The following PTP4A1 variants were observed in gnomAD, a reference collection of about 807,000 sequenced individuals.
PTP4A1 encodes the protein protein tyrosine phosphatase type IVA 1.
In PTP4A1, 9 loss-of-function variants were observed where a neutral mutation model predicts 20.5. The ratio of observed to expected loss-of-function variants is 0.44; its 90% CI spans 0.26 to 0.77. PTP4A1 has a LOEUF of 0.77. PTP4A1 is among the 30% of genes least tolerant of loss of function. The pLI, the probability that PTP4A1 is intolerant of heterozygous loss-of-function variation, is 0.19. For missense variants in PTP4A1, 137 were observed against 218.8 expected, an observed-to-expected ratio of 0.63 and a Z score of 2.36; for synonymous variants, 78 against 67.4, an observed-to-expected ratio of 1.16 and a Z score of -0.77.
intron 1 of PTP4A1, among the ~76,000 whole-genome samples, chr6:63,576,144 AAT>A (rs1207998872): frequency 6.6e-6 from 1 of 150,496 alleles, no homozygotes; most frequent in East Asian, 1.9e-4. Flanking sequence ...AATATATATG[AAT>A]ATATATATGA....
At chr6:63,526,371 A>G (rs890507825) in intron 1 of PTP4A1, among the ~76,000 whole-genome samples, 2 of 152,080 alleles carry the variant, frequency 1.3e-5, no homozygotes, top group East Asian at 3.9e-4. Context: ...TTTGGGTTCT[A>G]GAATAGCTGA....
At chr6:63,534,853 T>G (rs959225068) in intron 2 of PTP4A1, among the ~76,000 whole-genome samples, 3 of 91,500 alleles carry the variant, frequency 3.3e-5, no homozygotes, top group African/African-American at 8.1e-5. Flanking sequence ...ATTTCTGTAC[T>G]AAATTCTTTA....
At chr6:63,548,742 G>A (rs908633996) in intron 2 of PTP4A1, 6 of 680,428 alleles carry the variant, frequency 8.8e-6, no homozygotes, top group Non-Finnish European at 1.6e-5. Flanking sequence ...TTGAGCCTTT[G>A]CCTTTTCGAG....
At chr6:63,559,998 A>G (rs1030237267) in intron 3 of PTP4A1, among the ~76,000 whole-genome samples, 3 of 152,226 alleles carry the variant, frequency 2.0e-5, no homozygotes, top group Non-Finnish European at 4.4e-5. Flanking sequence ...GTGGAAGATC[A>G]CGGAATGGCC....
At chr6:63,572,991 G>T (rs1425744532) in intron 1 of PTP4A1, among the ~76,000 whole-genome samples, 1 of 152,090 alleles carries the variant, frequency 6.6e-6, no homozygotes, top group African/African-American at 2.4e-5. Context: ...AGCCCGGAGC[G>T]ACGGGGGCGG....
At chr6:63,533,428 T>C (rs1163573925) in intron 2 of PTP4A1, among the ~76,000 whole-genome samples, 2 of 152,180 alleles carry the variant, frequency 1.3e-5, no homozygotes, top group Non-Finnish European at 2.9e-5. Flanking sequence ...TAAAAATATC[T>C]TAATTTTGTA....
At chr6:63,563,534 G>C (rs143255149) in intron 3 of PTP4A1, among the ~76,000 whole-genome samples, 233 of 152,328 alleles carry the variant, frequency 1.5e-3, no homozygotes, top group African/African-American at 5.4e-3. Flanking sequence ...CAGCCATTCT[G>C]TTGACCTCCT....
chr6:63,563,203 T>C (rs760074159), intron 3 of PTP4A1, among the ~76,000 whole-genome samples: 11 of 152,336 alleles, frequency 7.2e-5, no homozygotes, highest in South Asian at 2.1e-4. Context: ...AACAATTCTC[T>C]TAAAACAAAT....
chr6:63,578,413 T>A, intron 2 of PTP4A1, 24 bp from the exon 3 acceptor site: 1 of 1,596,016 alleles, frequency 6.3e-7, no homozygotes, highest in South Asian at 1.1e-5. Flanking sequence ...ACATTAAGAT[T>A]TTTTTAATGT....
At chr6:63,571,388 A>C (rs923775966), upstream of PTP4A1, 1 of 152,200 alleles carries the variant, frequency 6.6e-6, no homozygotes, top group Non-Finnish European at 1.5e-5. Flanking sequence ...AAGCAGGTAA[A>C]GGTCCTGTTT....
intron 2 of PTP4A1, among the ~76,000 whole-genome samples, chr6:63,540,485 G>A (rs1470548038): frequency 1.3e-5 from 2 of 151,916 alleles, no homozygotes; most frequent in African/African-American, 4.8e-5. Context: ...GCCGGGTGTG[G>A]TGGTGCATGC....
At chr6:63,565,249 AC>A (rs1777140116) in intron 3 of PTP4A1, among the ~76,000 whole-genome samples, 1 of 151,832 alleles carries the variant, frequency 6.6e-6, no homozygotes, top group South Asian at 2.1e-4. Context: ...CTTAATACAC[AC>A]ACTAAGCTCC....
intron 2 of PTP4A1, among the ~76,000 whole-genome samples, chr6:63,541,384 T>C (rs1336559848): frequency 6.6e-6 from 1 of 151,768 alleles, no homozygotes; most frequent in Non-Finnish European, 1.5e-5. Context: ...GAAACCCCTC[T>C]CTACTAAAAA....
upstream of PTP4A1, among the ~76,000 whole-genome samples, chr6:63,517,760 GC>G (rs1322874967): frequency 6.6e-6 from 1 of 152,146 alleles, no homozygotes; most frequent in African/African-American, 2.4e-5. Flanking sequence ...TTAAGGAGCA[GC>G]CTTCCTCTGC....
chr6:63,569,582 A>G (rs1777331350), upstream of PTP4A1, among the ~76,000 whole-genome samples: 1 of 152,166 alleles, frequency 6.6e-6, no homozygotes, highest in African/African-American at 2.4e-5. Context: ...TCCTTATAAT[A>G]TTCTTCTAGT....
chr6:63,529,019 G>T (rs1581910411), intron 2 of PTP4A1, among the ~76,000 whole-genome samples: 1 of 150,892 alleles, frequency 6.6e-6, no homozygotes, highest in South Asian at 2.1e-4. Flanking sequence ...AATCTGGGAG[G>T]CAGAGGTTAC....
chr6:63,523,703 C>T (rs528436396), intron 1 of PTP4A1, among the ~76,000 whole-genome samples: 31 of 152,212 alleles, frequency 2.0e-4, no homozygotes, highest in African/African-American at 7.0e-4. Context: ...AATTCATAAA[C>T]TCTTTTAAAA....
rs72091849 is a variant in PTP4A1 at position 63,542,022 on chromosome 6, G to GGTGTGTGTGTGTGTGT, written c.-639-8253_-639-8238dup. On this transcript the variant is annotated intron_variant, in intron 2 of 3. Coordinates refer to the PTP4A1 transcript ENST00000639568. ...CTCATTTGGTGGATAAAGAAACTGT[G>GGTGTGTGTGTGTGTGT]GTGTGTGTGTGTGTGTGTGTGTGTG... Among the ~76,000 whole-genome samples the GGTGTGTGTGTGTGTGT allele has an allele frequency of 8.6e-4, 126 of 146,840 alleles. 1 individual carries two copies. Among genetic ancestry groups the GGTGTGTGTGTGTGTGT allele is most frequent in the African/African-American group, 3.0e-3 (120 of 39,544 alleles).
intron 2 of PTP4A1, among the ~76,000 whole-genome samples, chr6:63,533,332 A>G (rs1245344360): frequency 1.3e-5 from 2 of 152,206 alleles, no homozygotes; most frequent in Non-Finnish European, 2.9e-5. Context: ...CAGTGAGCCA[A>G]GATTATGACA....
Sources: gnomAD v4.1 joint callset for allele counts (sites outside exome capture counted in the v4.1 genomes callset) on GRCh38, gnomAD v4.1.1 for gene constraint, MANE v1.5 for transcripts, NCBI Gene and HGNC (gene_info 2026-07-23, HGNC 2026-07-21) for gene names.